PDE6B: variants seen among roughly 807,000 people sequenced by gnomAD.
PDE6B encodes phosphodiesterase 6B, also known as rod cGMP-specific 3',5'-cyclic phosphodiesterase subunit beta.
A neutral mutation model predicts 109.0 loss-of-function variants in PDE6B; 106 were observed. That is an observed-to-expected ratio of 0.97 (90% CI 0.83 to 1.14). PDE6B has a LOEUF of 1.14. PDE6B is among the 50% of genes most tolerant of loss of function. The probability of loss-of-function intolerance (pLI) is 0.00; values close to 1 mark genes in which losing one functional copy is unlikely to be tolerated. For synonymous variants in PDE6B, 490 were observed against 471.3 expected, an observed-to-expected ratio of 1.04 and a Z score of -0.51; for missense variants, 1,193 against 1,155.6, an observed-to-expected ratio of 1.03 and a Z score of -0.47.
chr4:662,041 G>T lies in PDE6B; in HGVS notation c.1615-93G>T. 1.4e-6 allele frequency: 1 copy of T among 718,248 alleles called. No homozygotes were observed. 44.5% of individuals were successfully genotyped at this position (718,248 alleles called of 1,614,324 possible). A position where few individuals can be genotyped will look rare whatever the true frequency, so the allele number is the denominator to read the frequency against. On this transcript the variant is annotated intron_variant, in intron 12 of 21. Transcript: ENST00000496514. The surrounding 1 kb of genome is among the most constrained non-coding windows in gnomAD (Gnocchi z 4.3). ...GACGGTGTGGGGATGATGGCACGGA[G>T]CAGGGCTTCCACTGTGAAGTCAGCC...
intron 12 of PDE6B, chr4:661,568 T>C (rs893511306): frequency 1.9e-5 from 3 of 154,400 alleles, no homozygotes; most frequent in Non-Finnish European, 2.9e-5. Context: ...GAAGTTTTAC[T>C]AAATACTAAG....
rs553192612 is a variant in PDE6B at position 627,150 on chromosome 4, G to GTTT, written c.468+1068_468+1070dup. On this transcript the variant is annotated intron_variant, in intron 1 of 21. Transcript: ENST00000496514. ...AATCCTGGTTTGTTTTCGTTTGTGG[G>GTTT]TTTTTTTTTTTTTTGAGACAGAGTC... Among the ~76,000 whole-genome samples the GTTT allele has an allele frequency of 3.6e-3, 519 of 143,222 alleles. 1 individual carries two copies. Among genetic ancestry groups the GTTT allele is most frequent in the African/African-American group, 0.013 (489 of 39,036 alleles). 94.0% of individuals were successfully genotyped at this position (143,222 alleles called of 152,430 possible). A position where few individuals can be genotyped will look rare whatever the true frequency, so the allele number is the denominator to read the frequency against.
At position 668,048 on chromosome 4, in the gene PDE6B, C is replaced by G. The variant is rs765499492; in HGVS notation, c.2503+42C>G. On this transcript the variant is annotated intron_variant, in intron 21 of 21. Coordinates refer to ENST00000496514, the MANE Select transcript of PDE6B (RefSeq NM_000283.4). ...CCTGTGGGGCAGGGACTCGGTGACT[C>G]TCCCAAGGCAAAATGAAAAGACAGG... 4 of 1,582,770 alleles carry G rather than the reference C, an allele frequency of 2.5e-6. No homozygotes were observed. In the Admixed American group the frequency reaches 6.7e-5, roughly 27 times the overall value.
intron 21 of PDE6B, 27 bp downstream of exon 21, chr4:668,033 A>C: frequency 6.2e-7 from 1 of 1,604,082 alleles, no homozygotes; most frequent in Non-Finnish European, 8.5e-7. Context: ...CCTGTGGGGC[A>C]GGGACTCGGT....
rs1186994287 is a variant in PDE6B, at chr4:648,575, C to G, written c.712-5277C>G. ...TGGACAATCAGGAACTACCTTCTGT[C>G]CCAGGCACCCTCCAGCTGGAGGCCC... On this transcript the variant is annotated intron_variant, in intron 3 of 21. Transcript: ENST00000496514. This position sits in a 1 kb window ranked among gnomAD's most constrained non-coding sequence, Gnocchi z 4.5. Among the ~76,000 whole-genome samples the G allele has an allele frequency of 6.6e-6, 1 of 152,218 alleles. No homozygotes were observed.
At chr4:654,346 G>T in intron 5 of PDE6B, 192 bp downstream of exon 5, 2 of 693,778 alleles carry the variant, frequency 2.9e-6, no homozygotes, top group Non-Finnish European at 5.2e-6. Flanking sequence ...GGTGTCCAGG[G>T]CTGGTCCCTG....
chr4:634,241 C>T (rs1186684156), intron 1 of PDE6B, among the ~76,000 whole-genome samples: 1 of 152,188 alleles, frequency 6.6e-6, no homozygotes, highest in African/African-American at 2.4e-5. Flanking sequence ...CAATGGCTGT[C>T]TCTCAGGGAA....
Position 664,185 on chromosome 4 carries a change from ACCTGTC to A in PDE6B, c.2098_2103del (p.Ser700_Leu701del), listed in dbSNP as rs1253689001. ...CAGGACAAGAAGAGCTGGGTGGAGT[ACCTGTC>A]CCTGGAGACGACCCGGAAGGAGATC... On this transcript the variant is annotated inframe_deletion, in exon 17 of 22. Transcript: ENST00000496514. 2.5e-6 allele frequency: 4 copies of A among 1,610,672 alleles called. No individual in the cohort carries two copies. The highest frequency in any genetic ancestry group is 3.4e-6 in the Non-Finnish European group (4 of 1,177,268).
chr4:667,634 C>CTAAG lies in PDE6B; in HGVS notation c.2353-221_2353-218dup, dbSNP rs1399966997. 1.3e-5 allele frequency among the ~76,000 whole-genome samples: 2 copies of CTAAG among 152,204 alleles called. 1 individual carries two copies. The highest frequency in any genetic ancestry group is 2.9e-5 in the Non-Finnish European group (2 of 68,026). ...GTTCCTCTCCCTGCAACACTGCACC[C>CTAAG]TAAGCATGCATACCCTAAAGCTCCC... On this transcript the variant is annotated intron_variant, in intron 20 of 21. Transcript: ENST00000496514.
chr4:662,019 G>A lies in PDE6B; in HGVS notation c.1615-115G>A, dbSNP rs1338814438. On this transcript the variant is annotated intron_variant, in intron 12 of 21. Coordinates refer to ENST00000496514, the MANE Select transcript of PDE6B (RefSeq NM_000283.4). This position sits in a 1 kb window ranked among gnomAD's most constrained non-coding sequence, Gnocchi z 4.3. ...GGGAAGATCGGGAAGTCCAGGAGAC[G>A]GTGTGGGGATGATGGCACGGAGCAG... 1.3e-5 allele frequency: 9 copies of A among 702,228 alleles called. No individual in the cohort carries two copies. Among genetic ancestry groups the A allele is most frequent in the Admixed American group, 6.0e-5 (3 of 49,748 alleles). The allele number at this position is 702,228 out of a possible 1,614,324, so 43.5% of individuals were successfully genotyped here.
intron 1 of PDE6B, among the ~76,000 whole-genome samples, chr4:627,914 G>A (rs992777993): frequency 3.9e-5 from 6 of 151,970 alleles, no homozygotes; most frequent in Admixed American, 2.0e-4. Flanking sequence ...CAAACTGCTG[G>A]GCTGTCCTAG....
At chr4:640,092 G>C (rs1361665464) in intron 3 of PDE6B, among the ~76,000 whole-genome samples, 1 of 152,168 alleles carries the variant, frequency 6.6e-6, no homozygotes, top group Non-Finnish European at 1.5e-5. Context: ...AATCACTTGA[G>C]GCCAGGAATT....
intron 1 of PDE6B, among the ~76,000 whole-genome samples, chr4:628,998 G>A (rs1000644969): frequency 3.3e-5 from 5 of 152,228 alleles, no homozygotes; most frequent in African/African-American, 9.6e-5. Flanking sequence ...GGCATGGATT[G>A]TGAACCCTAA....
Position 667,883 on chromosome 4 carries a change from C to A in PDE6B, c.2380C>A (p.Leu794Met). Reference sequence around the variant, plus strand: ...GTTCTCTCGTTTCCACGAAGAGATCCTGCCCATGTTCGACCGACTGCAGAA... The same window carrying A: ...GTTCTCTCGTTTCCACGAAGAGATCATGCCCATGTTCGACCGACTGCAGAA... ...KEFSRFHEEI[L>M]PMFDRLQNNR... Residue 794 changes from leucine to methionine, a missense_variant, in exon 21 of 22, where the codon CTG becomes ATG. Coordinates refer to ENST00000496514, the MANE Select transcript of PDE6B (RefSeq NM_000283.4). 1 of 1,613,484 alleles carries A rather than the reference C, an allele frequency of 6.2e-7. No individual in the cohort carries two copies. The highest frequency in any genetic ancestry group is 1.1e-5 in the South Asian group (1 of 91,056).
chr4:636,008 A>T lies in PDE6B; in HGVS notation c.711+39A>T. 1.7e-6 allele frequency: 2 copies of T among 1,210,612 alleles called. No homozygotes were observed. The highest frequency in any genetic ancestry group is 2.5e-6 in the Non-Finnish European group (2 of 812,586). The allele number at this position is 1,210,612 out of a possible 1,614,324, so 75.0% of individuals were successfully genotyped here. A position where few individuals can be genotyped will look rare whatever the true frequency, so the allele number is the denominator to read the frequency against. ...GAGCACAGCTCTGCCCACGAGGGCC[A>T]GGGTCCCTCCGCCCATCTCGCTGCC... On this transcript the variant is annotated intron_variant, in intron 3 of 21. Transcript: ENST00000496514. This position sits in a 1 kb window ranked among gnomAD's most constrained non-coding sequence, Gnocchi z 4.5.
chr4:644,466 G>T (rs1735102649), intron 3 of PDE6B, among the ~76,000 whole-genome samples: 1 of 152,014 alleles, frequency 6.6e-6, no homozygotes, highest in Admixed American at 6.6e-5. Context: ...GTATTGTGCT[G>T]TTGGTGGATG....
rs142553621 is a variant in PDE6B at position 629,372 on chromosome 4, G to A, written c.468+3278G>A. On this transcript the variant is annotated intron_variant, in intron 1 of 21. Coordinates refer to ENST00000496514, the MANE Select transcript of PDE6B (RefSeq NM_000283.4). ...TGGGATGGACGATCCTGGTGGGCTG[G>A]TGGGGCTCGGCCACGGCCACCAAGT... Among the ~76,000 whole-genome samples, 38 of 152,374 alleles carry A rather than the reference G, an allele frequency of 2.5e-4. No homozygotes were observed. The East Asian group carries it at 6.9e-3, about 28-fold the overall frequency.
In PDE6B at chr4:660,974, T is replaced by TGGTTGG. The variant is rs1401026718; in HGVS notation, c.1614+361_1614+362insGGTTGG. Among the ~76,000 whole-genome samples the TGGTTGG allele has an allele frequency of 4.9e-4, 74 of 151,004 alleles. 5 individuals are homozygous for TGGTTGG. In the Middle Eastern group the frequency reaches 0.01, roughly 21 times the overall value. On this transcript the variant is annotated intron_variant, in intron 12 of 21. Coordinates refer to ENST00000496514, the MANE Select transcript of PDE6B (RefSeq NM_000283.4). Reference sequence around the variant, plus strand: ...TGGGTGGATGCCAATGGTAGTTGGATAGTTGGATAAATGGATGGGTGGGTG... The same window carrying TGGTTGG: ...TGGGTGGATGCCAATGGTAGTTGGATGGTTGGAGTTGGATAAATGGATGGGTGGGTG...
chr4:637,325 G>A (rs1351182071), intron 3 of PDE6B, among the ~76,000 whole-genome samples: 1 of 151,856 alleles, frequency 6.6e-6, no homozygotes, highest in Non-Finnish European at 1.5e-5. Context: ...CGGTTCAAAC[G>A]ATTTCCTGCC....
Sources: gnomAD v4.1 joint callset for allele counts (sites outside exome capture counted in the v4.1 genomes callset) on GRCh38, gnomAD v4.1.1 for gene constraint, Gnocchi (gnomAD v3.1) non-coding constraint, MANE v1.5 for transcripts, NCBI Gene and HGNC (gene_info 2026-07-23, HGNC 2026-07-21) for gene names.